Variants in EDRF1 observed in about 807,000 individuals in gnomAD.
EDRF1 encodes erythroid differentiation-related factor 1.
EDRF1 carries 69 observed loss-of-function variants against 148.7 expected under a neutral mutation model. That is an observed-to-expected ratio of 0.46 (90% CI 0.38 to 0.57). EDRF1 has a LOEUF of 0.57. Among genes scored for constraint, EDRF1 ranks in the 20% least tolerant of loss-of-function variants. EDRF1 has a pLI of 0.00. For missense variants in EDRF1, 1,118 were observed against 1,478.7 expected (o/e 0.76, Z 4.00); for synonymous variants, 515 against 532.8 (o/e 0.97, Z 0.46).
At chr10:125,745,523 A>G (rs1589854384) in intron 18 of EDRF1, 184 bp from the exon 19 acceptor site, 1 of 643,660 alleles carries the variant, frequency 1.6e-6, no homozygotes, top group East Asian at 2.7e-5. Context: ...ATATGAACTC[A>G]TATGGACACG....
chr10:125,745,606 A>G, intron 18 of EDRF1, 101 bp from the exon 19 acceptor site: 1 of 1,247,398 alleles, frequency 8.0e-7, no homozygotes. Context: ...TCGCCACCAC[A>G]CTCCTGTCAC....
chr10:125,740,934 T>A, intron 16 of EDRF1, 67 bp from the exon 17 acceptor site: 1 of 1,504,224 alleles, frequency 6.6e-7, no homozygotes, highest in South Asian at 1.1e-5. Context: ...AGTTTCTTCA[T>A]ATTTCCTATG....
rs902664018 is a variant in EDRF1, at chr10:125,725,254, G to A, written c.511-64G>A. On this transcript the variant is annotated intron_variant, in intron 4 of 24. Coordinates refer to ENST00000356792, the MANE Select transcript of EDRF1 (RefSeq NM_001202438.2). ...TAATAGGAGCCTTTTCTGTAAGCTA[G>A]TACTAGGTAACATTGTTTCGACTAT... is the stretch of plus-strand genomic sequence containing the variant. 45 of 1,595,094 alleles carry A rather than the reference G, an allele frequency of 2.8e-5. 1 individual carries two copies. The Middle Eastern group carries it at 5.0e-4, about 18-fold the overall frequency.
At chr10:125,735,462 T>C (rs1233204251) in intron 12 of EDRF1, among the ~76,000 whole-genome samples, 182 bp from the exon 13 acceptor site, 1 of 152,096 alleles carries the variant, frequency 6.6e-6, no homozygotes, top group Non-Finnish European at 1.5e-5. Context: ...CCTATAAAGA[T>C]TTTGCAGAGC....
In EDRF1 at chr10:125,740,473, T is replaced by G; in HGVS notation, c.1992T>G (p.Leu664=). 1 of 1,614,088 alleles carries G rather than the reference T, an allele frequency of 6.2e-7. No individual in the cohort carries two copies. The highest frequency in any genetic ancestry group is 8.5e-7 in the Non-Finnish European group (1 of 1,180,014). Residue 664 remains leucine (L), a synonymous_variant, in exon 16 of 25, where the codon CTT becomes CTG. Coordinates refer to ENST00000356792, the MANE Select transcript of EDRF1 (RefSeq NM_001202438.2). ...MALFLDKMGS[L]QKGNYSSQSG... The stretch of plus-strand genomic sequence containing the variant: ...CTCTCCATGTCACAGTGGGCTCCCT[T>G]CAGAAGGGCAATTATTCCAGTCAAT...
chr10:125,749,715 C>T (rs1849545704), intron 22 of EDRF1, 150 bp downstream of exon 22: 2 of 878,948 alleles, frequency 2.3e-6, no homozygotes, highest in Non-Finnish European at 3.6e-6. Flanking sequence ...GGTGAGAAAT[C>T]ACTACATGTT....
intron 16 of EDRF1, 119 bp from the exon 17 acceptor site, chr10:125,740,882 A>G: frequency 1.7e-6 from 2 of 1,201,814 alleles, no homozygotes; most frequent in Non-Finnish European, 2.4e-6. Context: ...CCTAAAATAA[A>G]CAGAATAGAT....
At chr10:125,729,686 C>T (rs1246398943) in intron 8 of EDRF1, among the ~76,000 whole-genome samples, 3 of 152,186 alleles carry the variant, frequency 2.0e-5, no homozygotes, top group Non-Finnish European at 2.9e-5. Context: ...TCCCCTCCCT[C>T]CTTCCCCTGC....
At chr10:125,742,256 G>A (rs999084865) in intron 17 of EDRF1, 1 of 1,289,350 alleles carries the variant, frequency 7.8e-7, no homozygotes, top group Non-Finnish European at 1.0e-6. Context: ...CTGATCCGCA[G>A]CAGCGATATC....
At chr10:125,720,057 C>A in intron 1 of EDRF1, 142 bp downstream of exon 1, 1 of 690,002 alleles carries the variant, frequency 1.4e-6, no homozygotes, top group Non-Finnish European at 2.4e-6. Context: ...AGTTGAAGTC[C>A]ATGCTCCAGT....
At chr10:125,756,968 A>T (rs1350635564) in intron 24 of EDRF1, 1 of 401,126 alleles carries the variant, frequency 2.5e-6, no homozygotes, top group Non-Finnish European at 4.9e-6. Flanking sequence ...GTGCCCCACG[A>T]CACCCAACTA....
intron 18 of EDRF1, among the ~76,000 whole-genome samples, chr10:125,744,302 T>C (rs1387999517): frequency 1.3e-5 from 2 of 150,962 alleles, no homozygotes; most frequent in Non-Finnish European, 3.0e-5. Context: ...TGCCACAGCC[T>C]CGAACTCCTG....
At position 125,729,025 on chromosome 10, in the gene EDRF1, C is replaced by G. The variant is rs532388734; in HGVS notation, c.815C>G (p.Ser272Ter). Reference sequence around the variant, plus strand: ...CAGGGAAGTGAGCCTCTTGAACCCTCATACATAGTGGGGCATGTGGCCTCA... The same window carrying G: ...CAGGGAAGTGAGCCTCTTGAACCCTGATACATAGTGGGGCATGTGGCCTCA... ...SSQGSEPLEP[S>*]YIVGHVASAP... The change falls in exon 7 of 25, where the codon TCA becomes TGA. Residue 272 changes from serine to a stop codon, truncating the protein, a stop_gained. Transcript: ENST00000356792. LOFTEE classifies it high-confidence loss of function. 6.3e-7 allele frequency: 1 copy of G among 1,582,828 alleles called. No homozygotes were observed. Among genetic ancestry groups the G allele is most frequent in the Non-Finnish European group, 8.5e-7 (1 of 1,171,938 alleles).
intron 4 of EDRF1, 104 bp downstream of exon 4, chr10:125,724,040 C>T (rs544519819): frequency 1.5e-6 from 2 of 1,309,732 alleles, no homozygotes; most frequent in East Asian, 2.4e-5. Flanking sequence ...TAGTTGAGTA[C>T]TTCAACAATC....
chr10:125,738,265 A>G, intron 14 of EDRF1, 30 bp from the exon 15 acceptor site: 1 of 1,613,764 alleles, frequency 6.2e-7, no homozygotes, highest in Non-Finnish European at 8.5e-7. Flanking sequence ...GAAGTTAGAT[A>G]GATAGTGAAT....
chr10:125,760,354 G>A (rs1850139311), intron 24 of EDRF1, among the ~76,000 whole-genome samples: 1 of 152,200 alleles, frequency 6.6e-6, no homozygotes, highest in African/African-American at 2.4e-5. Context: ...ACAGTCATAT[G>A]TATGACCTAA....
Position 125,763,564 on chromosome 10 carries a change from A to G in EDRF1, c.*92A>G. The stretch of plus-strand genomic sequence containing the variant: ...TGCTTTGTTTCATTAAATAATAGGG[A>G]AATATCCATTTAAAACAGGTATATC... On this transcript the variant is annotated 3_prime_UTR_variant, in exon 25 of 25. Transcript: ENST00000356792. This position sits in a 1 kb window ranked among gnomAD's most constrained non-coding sequence, Gnocchi z 4.3. The G allele has an allele frequency of 7.3e-7, 1 of 1,370,990 alleles. No homozygotes were observed. The highest frequency in any genetic ancestry group is 1.0e-6 in the Non-Finnish European group (1 of 995,370). The allele number at this position is 1,370,990 out of a possible 1,614,324, so 84.9% of individuals were successfully genotyped here.
chr10:125,747,587 C>T lies in EDRF1; in HGVS notation c.2866C>T (p.His956Tyr), dbSNP rs1380630074. The T allele has an allele frequency of 6.2e-7, 1 of 1,614,172 alleles. No homozygotes were observed. The highest frequency in any genetic ancestry group is 8.5e-7 in the Non-Finnish European group (1 of 1,180,004). Residue 956 changes from histidine (H) to tyrosine (Y), a missense_variant, in exon 20 of 25, where the codon CAC becomes TAC. Physicochemically the swap from His to Tyr is moderately conservative, Grantham distance 83. Transcript: ENST00000356792. ...ALRSLGTRDI[H>Y]PAVWDSVNWE... is the part of the protein sequence containing the mutation. Reference sequence around the variant, plus strand: ...AAGGTCATTGGGAACACGAGACATACACCCAGCTGTTTGGGATTCAGTGAA... The same window carrying T: ...AAGGTCATTGGGAACACGAGACATATACCCAGCTGTTTGGGATTCAGTGAA...
chr10:125,726,476 A>G (rs182082811), intron 6 of EDRF1, among the ~76,000 whole-genome samples: 189 of 152,316 alleles, frequency 1.2e-3, no homozygotes, highest in Non-Finnish European at 5.4e-4. Context: ...TACTGTATCT[A>G]TCAAAGAATA....
Sources: gnomAD v4.1 joint callset for allele counts (sites outside exome capture counted in the v4.1 genomes callset) on GRCh38, gnomAD v4.1.1 for gene constraint, Gnocchi (gnomAD v3.1) non-coding constraint, MANE v1.5 for transcripts, NCBI Gene and HGNC (gene_info 2026-07-23, HGNC 2026-07-21) for gene names.